AIM2: variants seen among roughly 807,000 people sequenced by gnomAD.
The protein encoded by AIM2 is interferon-inducible protein AIM2.
A neutral mutation model predicts 27.7 loss-of-function variants in AIM2; 30 were observed. That is an observed-to-expected ratio of 1.08 (90% confidence interval 0.81 to 1.47). The LOEUF is 1.47. Ranked by LOEUF, AIM2 falls within the 40% of genes most tolerant of loss-of-function variation. The pLI is 0.00. For synonymous variants in AIM2, 141 were observed against 145.3 expected, an observed-to-expected ratio of 0.97 and a Z score of 0.21; for missense variants, 358 against 411.3, an observed-to-expected ratio of 0.87 and a Z score of 1.12.
chr1:159,142,643 G>A (rs1648137104), upstream of AIM2, among the ~76,000 whole-genome samples: 1 of 152,122 alleles, frequency 6.6e-6, no homozygotes, highest in Admixed American at 6.5e-5. Context: ...TACAATCAAA[G>A]TGACCAACCC....
upstream of AIM2, among the ~76,000 whole-genome samples, chr1:159,142,332 C>T (rs1428065628): frequency 6.6e-6 from 1 of 152,110 alleles, no homozygotes; most frequent in Non-Finnish European, 1.5e-5. Context: ...TAGAATTAAG[C>T]ATGGGAGTGA....
At chr1:159,146,669 T>C (rs1406216130) in intron 1 of AIM2, among the ~76,000 whole-genome samples, 1 of 152,110 alleles carries the variant, frequency 6.6e-6, no homozygotes, top group Non-Finnish European at 1.5e-5. Context: ...ACCAAACACA[T>C]TGGCCAAACT....
At chr1:159,135,476 G>A (rs544410913) in intron 1 of AIM2, among the ~76,000 whole-genome samples, 6 of 152,110 alleles carry the variant, frequency 3.9e-5, no homozygotes, top group Non-Finnish European at 8.8e-5. Context: ...TAAAGTCTAC[G>A]ACTTCAGAGA....
intron 1 of AIM2, among the ~76,000 whole-genome samples, chr1:159,124,281 G>A (rs1647624007): frequency 6.6e-6 from 1 of 152,172 alleles, no homozygotes; most frequent in African/African-American, 2.4e-5. Flanking sequence ...GCAAAATTCA[G>A]CCTGCAATGC....
intron 1 of AIM2, among the ~76,000 whole-genome samples, chr1:159,090,047 G>T (rs982841085): frequency 2.6e-5 from 4 of 152,190 alleles, no homozygotes; most frequent in Admixed American, 1.3e-4. Context: ...GGGTCTATGA[G>T]GAGGTTCAAG....
upstream of AIM2, among the ~76,000 whole-genome samples, chr1:159,141,664 C>G (rs775788481): frequency 6.6e-6 from 1 of 152,070 alleles, no homozygotes; most frequent in African/African-American, 2.4e-5. Context: ...CCAGCGCGCT[C>G]GTCCATTGCG....
rs115838497 is a variant in AIM2 at position 159,137,015 on chromosome 1, A to G, written c.-16+3416T>C. ...TAAACCTGCCTACATATCTGACTCT[A>G]TTCTCTACCTGTCTATTCTATCTCT... On this transcript the variant is annotated intron_variant, in intron 1 of 2. Coordinates refer to the AIM2 transcript ENST00000368129. Among the ~76,000 whole-genome samples, 1,217 of 152,238 alleles carry G rather than the reference A, an allele frequency of 8.0e-3. 21 individuals carry two copies. The highest frequency in any genetic ancestry group is 0.028 in the African/African-American group (1,154 of 41,540).
upstream of AIM2, among the ~76,000 whole-genome samples, chr1:159,143,581 TACACACACACACACACAC>T (rs6143439): frequency 9.9e-3 from 1,432 of 144,148 alleles, 38 homozygotes; most frequent in African/African-American, 0.034. Flanking sequence ...GCTCAGTGTG[TACACACACACACACACAC>T]ACACACACAC....
chr1:159,070,869 G>C (rs1242517882), intron 2 of AIM2, among the ~76,000 whole-genome samples: 1 of 152,188 alleles, frequency 6.6e-6, no homozygotes, highest in Non-Finnish European at 1.5e-5. Context: ...CAGCATCGGA[G>C]AGAAAACAGC....
chr1:159,064,771 G>C (rs968838710), intron 4 of AIM2, among the ~76,000 whole-genome samples: 5 of 152,188 alleles, frequency 3.3e-5, no homozygotes, highest in African/African-American at 1.2e-4. Flanking sequence ...AGCCTGAAGA[G>C]AGCTATTTAA....
intron 1 of AIM2, among the ~76,000 whole-genome samples, chr1:159,075,609 TATAG>T (rs1351268788): frequency 7.8e-4 from 115 of 147,006 alleles, no homozygotes; most frequent in Admixed American, 1.6e-3. Flanking sequence ...TATATATATA[TATAG>T]AGAGAGAGAG....
At chr1:159,146,710 C>T (rs927603696) in intron 1 of AIM2, among the ~76,000 whole-genome samples, 4 of 152,108 alleles carry the variant, frequency 2.6e-5, no homozygotes, top group African/African-American at 9.7e-5. Flanking sequence ...AGATTCAGCC[C>T]ACTGCTCTTC....
chr1:159,129,748 A>G (rs959677681), intron 1 of AIM2, among the ~76,000 whole-genome samples: 13 of 152,170 alleles, frequency 8.5e-5, no homozygotes, highest in African/African-American at 3.1e-4. Context: ...CTCAAATACT[A>G]AACTATCTAT....
intron 1 of AIM2, among the ~76,000 whole-genome samples, chr1:159,087,641 C>T (rs193285843): frequency 2.0e-5 from 3 of 147,230 alleles, no homozygotes; most frequent in African/African-American, 5.0e-5. Flanking sequence ...GGCGTGATCT[C>T]GGCTCACTGC....
downstream of AIM2, among the ~76,000 whole-genome samples, chr1:159,060,276 A>G (rs1292741308): frequency 3.3e-5 from 5 of 152,194 alleles, no homozygotes; most frequent in Non-Finnish European, 5.9e-5. Context: ...AAAGTCCCTG[A>G]TTTCTGTGAG....
At chr1:159,084,796 C>CACACACACACAT (rs1399575878) in intron 1 of AIM2, among the ~76,000 whole-genome samples, 2 of 150,058 alleles carry the variant, frequency 1.3e-5, no homozygotes, top group Admixed American at 1.3e-4. Context: ...CACACACACA[C>CACACACACACAT]ACACACACAC....
intron 3 of AIM2, among the ~76,000 whole-genome samples, chr1:159,067,034 G>T (rs1463606091): frequency 1.3e-5 from 2 of 152,078 alleles, no homozygotes; most frequent in South Asian, 2.1e-4. Context: ...CTAAAAAATA[G>T]ATTTGGTTAA....
chr1:159,145,129 G>C (rs75344830), upstream of AIM2, among the ~76,000 whole-genome samples: 72 of 152,170 alleles, frequency 4.7e-4, no homozygotes, highest in African/African-American at 1.7e-3. Context: ...CCTCCTGTGA[G>C]TACCTCCCAG....
Position 159,106,572 on chromosome 1 carries a change from A to G in AIM2, c.-16+33859T>C, listed in dbSNP as rs140558173. On this transcript the variant is annotated intron_variant, in intron 1 of 2. Transcript: ENST00000368129. ...AATATCCATTCAGATCTGGGTGGAA[A>G]ATGACTGAGACCTTGCTCCCAGGGC... is the stretch of plus-strand genomic sequence containing the variant. 5.7e-4 allele frequency among the ~76,000 whole-genome samples: 87 copies of G among 152,340 alleles called. 2 individuals are homozygous for G. The East Asian group carries it at 0.014, about 25-fold the overall frequency.
Sources: allele counts gnomAD v4.1 joint callset (sites outside exome capture counted in the v4.1 genomes callset), GRCh38; gene constraint gnomAD v4.1.1; transcripts MANE v1.5; gene names NCBI Gene and HGNC (gene_info 2026-07-23, HGNC 2026-07-21).